OPHN1: variants seen among roughly 807,000 people sequenced by gnomAD.
The protein encoded by OPHN1 is oligophrenin-1.
Under a neutral mutation model 60.7 loss-of-function variants are expected in OPHN1, and 11 were observed. The ratio of observed to expected loss-of-function variants is 0.18; its 90% CI spans 0.11 to 0.30. OPHN1 has a LOEUF of 0.30. Ranked by LOEUF, OPHN1 falls within the 10% of genes least tolerant of loss-of-function variation. The probability of loss-of-function intolerance (pLI) is 1.00; values close to 1 mark genes in which losing one functional copy is unlikely to be tolerated. For missense variants in OPHN1, 449 were observed against 611.0 expected (o/e 0.73, Z 2.80); for synonymous variants, 226 against 222.6 (o/e 1.02, Z -0.14).
intron 6 of OPHN1, among the ~76,000 whole-genome samples, chrX:68,223,698 A>C (rs2077675098): frequency 9.0e-6 from 1 of 111,683 alleles, no homozygotes; most frequent in African/African-American, 3.3e-5. Flanking sequence ...CTATTGAAAT[A>C]ACAATTAAAA....
intron 6 of OPHN1, among the ~76,000 whole-genome samples, chrX:68,216,315 C>A (rs979193083): frequency 9.0e-6 from 1 of 110,538 alleles, no homozygotes; most frequent in African/African-American, 3.3e-5. Flanking sequence ...CAAAAGAAGA[C>A]TGAAAGACAA....
intron 15 of OPHN1, among the ~76,000 whole-genome samples, chrX:68,160,352 C>A (rs1282507349): frequency 9.0e-6 from 1 of 111,068 alleles, no homozygotes; most frequent in African/African-American, 3.3e-5. Context: ...CAATACCCCA[C>A]TTTAAATGAT....
rs181339936 is a variant in OPHN1 at position 68,294,525 on chromosome X, A to C, written c.250+4476T>G. Among the ~76,000 whole-genome samples the C allele has an allele frequency of 5.1e-3, 540 of 106,418 alleles. 7 individuals are homozygous for C. Among genetic ancestry groups the C allele is most frequent in the African/African-American group, 0.018 (513 of 29,065 alleles). The allele number at this position is 106,418 out of a possible 115,157, so 92.4% of individuals were successfully genotyped here. ...AAAGTAAGCATATTCTCTTAAGCCT[A>C]TGTGGCAAACAGGCCTCTTTCTAGC... On this transcript the variant is annotated intron_variant, in intron 3 of 24. Coordinates refer to ENST00000355520, the MANE Select transcript of OPHN1 (RefSeq NM_002547.3).
rs763433681 is a variant in OPHN1, at chrX:68,357,062, A to G, written c.155-57966T>C. ...AAATGCTCTAAAATTGATTGTGGTG[A>G]TGGTCGCAAAACTCTGCGAATATAC... On this transcript the variant is annotated intron_variant, in intron 2 of 24. Coordinates refer to ENST00000355520, the MANE Select transcript of OPHN1 (RefSeq NM_002547.3). 5.4e-5 allele frequency among the ~76,000 whole-genome samples: 6 copies of G among 111,242 alleles called. No individual in the cohort carries two copies. In the South Asian group the frequency reaches 2.3e-3, roughly 42 times the overall value.
intron 12 of OPHN1, among the ~76,000 whole-genome samples, chrX:68,196,634 C>T (rs1176500168): frequency 1.8e-5 from 2 of 111,791 alleles, no homozygotes; most frequent in Non-Finnish European, 3.8e-5. Context: ...GATTGCTTGT[C>T]CTCCTGCATA....
At chrX:68,155,748 T>A (rs1261029544) in intron 15 of OPHN1, among the ~76,000 whole-genome samples, 1 of 111,900 alleles carries the variant, frequency 8.9e-6, no homozygotes, top group Non-Finnish European at 1.9e-5. Flanking sequence ...GCTTCTGATA[T>A]CTTACTAGAA....
intron 6 of OPHN1, among the ~76,000 whole-genome samples, chrX:68,223,954 T>C (rs2077676701): frequency 9.0e-6 from 1 of 111,016 alleles, no homozygotes; most frequent in African/African-American, 3.3e-5. Context: ...TCAAAATACA[T>C]GAGGTAAAAA....
chrX:68,193,046 C>T, intron 14 of OPHN1, 53 bp from the exon 15 acceptor site: 1 of 971,212 alleles, frequency 1.0e-6, no homozygotes, highest in Non-Finnish European at 1.5e-6. Context: ...GAGTTGTCAT[C>T]TCCCCTTGGT....
At chrX:68,087,478 T>C (rs958426848) in intron 19 of OPHN1, among the ~76,000 whole-genome samples, 2 of 111,496 alleles carry the variant, frequency 1.8e-5, no homozygotes, top group Non-Finnish European at 3.8e-5. Context: ...TTTGGTCACA[T>C]ATTAACCCCC....
intron 15 of OPHN1, among the ~76,000 whole-genome samples, chrX:68,145,110 T>G (rs1448727837): frequency 9.0e-6 from 1 of 111,639 alleles, no homozygotes; most frequent in African/African-American, 3.3e-5. Context: ...TGTATAAAAC[T>G]CTGAGAAACC....
At chrX:68,124,347 A>C (rs1302688251) in intron 15 of OPHN1, among the ~76,000 whole-genome samples, 1 of 111,354 alleles carries the variant, frequency 9.0e-6, no homozygotes, top group Non-Finnish European at 1.9e-5. Context: ...CAATTTAGCA[A>C]GAGGAAATAA....
intron 9 of OPHN1, 50 bp from the exon 10 acceptor site, chrX:68,206,723 T>C (rs764685483): frequency 7.7e-5 from 73 of 942,036 alleles, no homozygotes; most frequent in Non-Finnish European, 1.1e-4. Flanking sequence ...TTTAGCTGTA[T>C]AGGAAGTCAA....
intron 15 of OPHN1, among the ~76,000 whole-genome samples, chrX:68,166,195 A>T (rs2077357603): frequency 8.9e-6 from 1 of 112,548 alleles, no homozygotes; most frequent in African/African-American, 3.2e-5. Flanking sequence ...ACTAGAAAGA[A>T]ATAATAAATT....
chrX:68,425,532 C>T (rs994597457), intron 2 of OPHN1, among the ~76,000 whole-genome samples: 1 of 111,760 alleles, frequency 8.9e-6, no homozygotes, highest in African/African-American at 3.3e-5. Context: ...TCAACCCATC[C>T]TTCCAGGAAA....
In OPHN1 at chrX:68,284,119, T is replaced by C. The variant is rs893458379; in HGVS notation, c.251-1002A>G. Among the ~76,000 whole-genome samples the C allele has an allele frequency of 3.6e-5, 4 of 111,702 alleles. No individual in the cohort carries two copies. In the East Asian group the frequency reaches 8.4e-4, roughly 24 times the overall value. On this transcript the variant is annotated intron_variant, in intron 3 of 24. Coordinates refer to ENST00000355520, the MANE Select transcript of OPHN1 (RefSeq NM_002547.3). The stretch of plus-strand genomic sequence containing the variant: ...CTAAGAAAAGAGTCAGAGATTTTAA[T>C]TGGCATTTTTCCAGACACGATCAGT...
intron 15 of OPHN1, among the ~76,000 whole-genome samples, chrX:68,191,188 G>T (rs918289251): frequency 2.4e-4 from 27 of 112,029 alleles, no homozygotes; most frequent in African/African-American, 8.4e-4. Context: ...GGGTAGGTTT[G>T]CAGGGAGAGA....
At chrX:68,204,366 C>A (rs2077549023) in intron 10 of OPHN1, among the ~76,000 whole-genome samples, 2 of 111,754 alleles carry the variant, frequency 1.8e-5, no homozygotes, top group Admixed American at 1.9e-4. Context: ...CCTGCATCTT[C>A]AACTTGGTCT....
intron 6 of OPHN1, among the ~76,000 whole-genome samples, chrX:68,218,690 G>C (rs1423284244): frequency 2.0e-5 from 2 of 102,444 alleles, no homozygotes; most frequent in Non-Finnish European, 4.0e-5. Flanking sequence ...AGCTTCATAA[G>C]TGAAGGAGAA....
At chrX:68,194,972 A>AAAG (rs1183812759) in intron 12 of OPHN1, among the ~76,000 whole-genome samples, 2 of 97,241 alleles carry the variant, frequency 2.1e-5, no homozygotes, top group African/African-American at 8.5e-5. Context: ...TGTCAAAAAA[A>AAAG]AAAGAAAGAA....
Sources: gnomAD v4.1 joint callset for allele counts (sites outside exome capture counted in the v4.1 genomes callset) on GRCh38, gnomAD v4.1.1 for gene constraint, MANE v1.5 for transcripts, NCBI Gene and HGNC (gene_info 2026-07-23, HGNC 2026-07-21) for gene names.